ZDHHC20: variants seen among roughly 807,000 people sequenced by gnomAD.
ZDHHC20 encodes zDHHC palmitoyltransferase 20, also known as palmitoyltransferase ZDHHC20.
In ZDHHC20, 43 loss-of-function variants were observed where a neutral mutation model predicts 57.8. That is an observed-to-expected ratio of 0.74 (90% CI 0.58 to 0.96). The LOEUF is 0.96. Among genes scored for constraint, ZDHHC20 ranks in the 40% least tolerant of loss-of-function variants. ZDHHC20 has a pLI of 0.00. For synonymous variants in ZDHHC20, 157 were observed against 153.0 expected (o/e 1.03, Z -0.19); for missense variants, 391 against 441.1 (o/e 0.89, Z 1.02).
At chr13:21,430,309 G>A (rs373730825) in intron 1 of ZDHHC20, among the ~76,000 whole-genome samples, 4 of 152,030 alleles carry the variant, frequency 2.6e-5, no homozygotes, top group African/African-American at 9.7e-5. Flanking sequence ...CACATATCTT[G>A]GCTGGGAAGG....
chr13:21,381,540 T>C lies in ZDHHC20; in HGVS notation c.954A>G (p.Ser318=), dbSNP rs1055508043. 1.4e-5 allele frequency: 23 copies of C among 1,612,662 alleles called. No individual in the cohort carries two copies. The highest frequency in any genetic ancestry group is 1.6e-4 in the Middle Eastern group (1 of 6,082). The change falls in exon 11 of 13, where the codon TCA becomes TCG. Residue 318 remains serine (S), a synonymous_variant. Coordinates refer to ENST00000400590, the MANE Select transcript of ZDHHC20 (RefSeq NM_001330059.2). ...GTGGTTTGATAGGAAAAGGTTGATT[T>C]GAGCCACTACTGAAAAGAAGAGCAA... ...NQNEYARSSG[S]NQPFPIKPLS... is the part of the protein sequence containing the mutation.
At chr13:21,416,520 C>T (rs971006244) in intron 3 of ZDHHC20, among the ~76,000 whole-genome samples, 2 of 152,032 alleles carry the variant, frequency 1.3e-5, no homozygotes, top group Admixed American at 6.6e-5. Flanking sequence ...ACAACCATTG[C>T]CTTCAAAAAG....
At chr13:21,399,848 ATTCT>A (rs1877364626) in intron 7 of ZDHHC20, among the ~76,000 whole-genome samples, 1 of 152,116 alleles carries the variant, frequency 6.6e-6, no homozygotes, top group Non-Finnish European at 1.5e-5. Context: ...GAGCTTCCTT[ATTCT>A]TTCTTAAGCT....
intron 4 of ZDHHC20, among the ~76,000 whole-genome samples, chr13:21,405,970 C>T (rs1322333886): frequency 6.6e-6 from 1 of 152,122 alleles, no homozygotes; most frequent in East Asian, 1.9e-4. Flanking sequence ...TTGAAACGGA[C>T]TCTGTGAGGC....
At chr13:21,385,708 G>A (rs1024906736) in intron 9 of ZDHHC20, among the ~76,000 whole-genome samples, 4 of 152,114 alleles carry the variant, frequency 2.6e-5, no homozygotes, top group Admixed American at 6.5e-5. Flanking sequence ...AAATAAAGAC[G>A]TAACTGATGA....
intron 7 of ZDHHC20, among the ~76,000 whole-genome samples, chr13:21,395,065 CTTTCTT>C (rs916448892): frequency 3.2e-5 from 3 of 93,736 alleles, no homozygotes; most frequent in Admixed American, 1.6e-4. Flanking sequence ...AGTTTAAATT[CTTTCTT>C]TTTTTTTTTT....
chr13:21,424,163 C>T (rs2137920197), intron 2 of ZDHHC20, among the ~76,000 whole-genome samples: 1 of 152,130 alleles, frequency 6.6e-6, no homozygotes, highest in African/African-American at 2.4e-5. Flanking sequence ...TAAAGAGTAA[C>T]AGAAAACAAT....
chr13:21,434,215 A>G lies in ZDHHC20; in HGVS notation c.119-8537T>C, dbSNP rs528535005. Among the ~76,000 whole-genome samples the G allele has an allele frequency of 2.8e-4, 43 of 152,316 alleles. 1 individual carries two copies. Among genetic ancestry groups the G allele is most frequent in the African/African-American group, 1.0e-3 (42 of 41,576 alleles). ...ATTAAAGTCTACAGGGTTTTTACTT[A>G]ACATCTTCTATCTCACATTTGTATC... On this transcript the variant is annotated intron_variant, in intron 1 of 12. Coordinates refer to ENST00000400590, the MANE Select transcript of ZDHHC20 (RefSeq NM_001330059.2).
rs2146401 is a variant in ZDHHC20, at chr13:21,444,511, C to T, written c.118+14543G>A. On this transcript the variant is annotated intron_variant, in intron 1 of 12. Coordinates refer to ENST00000400590, the MANE Select transcript of ZDHHC20 (RefSeq NM_001330059.2). ...TTTTATAAAATGATAGTGATAATAA[C>T]GGGTACTTTCAAAAAATACATTATA... is the stretch of plus-strand genomic sequence containing the variant. Among the ~76,000 whole-genome samples, 11 of 151,904 alleles carry T rather than the reference C, an allele frequency of 7.2e-5. No homozygotes were observed. The East Asian group carries it at 1.9e-3, about 27-fold the overall frequency.
chr13:21,397,129 T>C (rs189576712), intron 7 of ZDHHC20, among the ~76,000 whole-genome samples: 2 of 152,126 alleles, frequency 1.3e-5, no homozygotes, highest in African/African-American at 4.8e-5. Flanking sequence ...CCGCAGTGGC[T>C]CATGCCTGTA....
At position 21,376,503 on chromosome 13, in the gene ZDHHC20, C is replaced by A; in HGVS notation, c.*193G>T. ...CACTTAAGATTAAGGCATCATTCTG[C>A]TCTGGAGTAGTGCTTCTGTGAATCC... is the stretch of plus-strand genomic sequence containing the variant. On this transcript the variant is annotated 3_prime_UTR_variant, in exon 13 of 13. Coordinates refer to ENST00000400590, the MANE Select transcript of ZDHHC20 (RefSeq NM_001330059.2). 1 of 478,834 alleles carries A rather than the reference C, an allele frequency of 2.1e-6. No homozygotes were observed. The highest frequency in any genetic ancestry group is 3.6e-6 in the Non-Finnish European group (1 of 277,338). The allele number at this position is 478,834 out of a possible 1,614,324, so 29.7% of individuals were successfully genotyped here. A position where few individuals can be genotyped will look rare whatever the true frequency, so the allele number is the denominator to read the frequency against.
At chr13:21,413,622 T>C (rs758794780) in intron 4 of ZDHHC20, 30 bp downstream of exon 4, 3 of 1,565,142 alleles carry the variant, frequency 1.9e-6, no homozygotes, top group African/African-American at 1.4e-5. Context: ...TAAAAATCAT[T>C]TGAAAAGGAA....
chr13:21,424,008 G>A (rs763017442), intron 2 of ZDHHC20, among the ~76,000 whole-genome samples: 7 of 151,866 alleles, frequency 4.6e-5, no homozygotes, highest in Non-Finnish European at 1.0e-4. Flanking sequence ...TATAATTTTA[G>A]AATATTTCCT....
chr13:21,401,208 G>A (rs970706021), intron 6 of ZDHHC20, among the ~76,000 whole-genome samples: 14 of 152,052 alleles, frequency 9.2e-5, no homozygotes, highest in Non-Finnish European at 2.9e-5. Context: ...GAGCCCAGAA[G>A]GTCAAGGCTG....
At chr13:21,438,780 A>G (rs182618957) in intron 1 of ZDHHC20, among the ~76,000 whole-genome samples, 265 of 152,314 alleles carry the variant, frequency 1.7e-3, no homozygotes, top group Non-Finnish European at 2.2e-3. Context: ...TGTGAAAGGA[A>G]GAGTCAACAG....
At chr13:21,436,952 C>G (rs139994427) in intron 1 of ZDHHC20, among the ~76,000 whole-genome samples, 1 of 152,016 alleles carries the variant, frequency 6.6e-6, no homozygotes, top group African/African-American at 2.4e-5. Context: ...ACGTTGTGTA[C>G]GTGTACCCTA....
intron 7 of ZDHHC20, among the ~76,000 whole-genome samples, chr13:21,397,322 A>G (rs904451352): frequency 2.0e-5 from 3 of 150,724 alleles, no homozygotes; most frequent in African/African-American, 7.4e-5. Flanking sequence ...GCTAAACTGC[A>G]TCTCAAAAAA....
intron 9 of ZDHHC20, 66 bp downstream of exon 9, chr13:21,387,442 C>T: frequency 1.6e-6 from 2 of 1,259,760 alleles, no homozygotes; most frequent in South Asian, 2.3e-5. Context: ...AATCTGAAGA[C>T]ATTTAACCAG....
intron 11 of ZDHHC20, among the ~76,000 whole-genome samples, chr13:21,379,875 T>C (rs1872959649): frequency 6.7e-6 from 1 of 149,680 alleles, no homozygotes; most frequent in African/African-American, 2.5e-5. Flanking sequence ...GGTGCAGTGG[T>C]GCAATCTTGG....
Sources: gnomAD v4.1 joint callset for allele counts (sites outside exome capture counted in the v4.1 genomes callset) on GRCh38, gnomAD v4.1.1 for gene constraint, MANE v1.5 for transcripts, NCBI Gene and HGNC (gene_info 2026-07-23, HGNC 2026-07-21) for gene names.